SLC7A2: variants seen among roughly 807,000 people sequenced by gnomAD.
The protein encoded by SLC7A2 is solute carrier family 7 member 2.
In SLC7A2, 48 loss-of-function variants were observed where a neutral mutation model predicts 58.9. That is an observed-to-expected ratio of 0.82 (90% CI 0.65 to 1.04). The LOEUF (loss-of-function observed/expected upper bound fraction) is 1.04. Among genes scored for constraint, SLC7A2 ranks in the 50% least tolerant of loss-of-function variants. The pLI is 0.00. For synonymous variants in SLC7A2, 363 were observed against 314.5 expected (o/e 1.15, Z -1.63); for missense variants, 1,029 against 818.8 (o/e 1.26, Z -3.13).
At chr8:17,516,300 A>G (rs1800801616) in intron 2 of SLC7A2, among the ~76,000 whole-genome samples, 1 of 151,956 alleles carries the variant, frequency 6.6e-6, no homozygotes, top group Admixed American at 6.6e-5. Flanking sequence ...ATCTCGGCTC[A>G]CTGCAACCTC....
At position 17,565,281 on chromosome 8, in the gene SLC7A2, C is replaced by T. The variant is rs558868747; in HGVS notation, c.*135C>T. ...TAGTTCACCCTAATTTATACTTACT[C>T]ATCTGGACAGCATCTCCTCAGATGG... is the stretch of plus-strand genomic sequence containing the variant. On this transcript the variant is annotated 3_prime_UTR_variant, in exon 13 of 13. Coordinates refer to ENST00000494857, the MANE Select transcript of SLC7A2 (RefSeq NM_001370338.1). 5.7e-5 allele frequency: 38 copies of T among 667,278 alleles called. No individual in the cohort carries two copies. The African/African-American group carries it at 6.0e-4, about 10-fold the overall frequency. The allele number at this position is 667,278 out of a possible 1,614,324, so 41.3% of individuals were successfully genotyped here.
chr8:17,553,143 C>G (rs1204985895), intron 7 of SLC7A2, among the ~76,000 whole-genome samples: 2 of 152,110 alleles, frequency 1.3e-5, no homozygotes, highest in South Asian at 2.1e-4. Flanking sequence ...GGCTCGAACT[C>G]CTGGGTTCAA....
chr8:17,518,642 A>G (rs1800895100), intron 2 of SLC7A2, among the ~76,000 whole-genome samples: 1 of 102,798 alleles, frequency 9.7e-6, no homozygotes, highest in Non-Finnish European at 2.1e-5. Context: ...CATTAGCAAA[A>G]GACAAACAAA....
intron 2 of SLC7A2, among the ~76,000 whole-genome samples, chr8:17,512,498 G>T (rs1245756671): frequency 6.6e-6 from 1 of 152,176 alleles, no homozygotes; most frequent in Non-Finnish European, 1.5e-5. Flanking sequence ...ACTGAGGCAA[G>T]ATCGTGCTAC....
chr8:17,517,820 A>G (rs1800861924), intron 2 of SLC7A2, among the ~76,000 whole-genome samples: 1 of 152,172 alleles, frequency 6.6e-6, no homozygotes, highest in Non-Finnish European at 1.5e-5. Flanking sequence ...GCGGAGTGTT[A>G]GGGGGCTGCC....
At chr8:17,515,815 C>G (rs567685863) in intron 2 of SLC7A2, among the ~76,000 whole-genome samples, 1 of 152,312 alleles carries the variant, frequency 6.6e-6, no homozygotes, top group East Asian at 1.9e-4. Flanking sequence ...CTAACTAAAA[C>G]TGTTCCACAA....
chr8:17,562,178 G>GTTTTTTTTTT (rs1803037011), intron 11 of SLC7A2, 68 bp downstream of exon 11: 1 of 477,978 alleles, frequency 2.1e-6, no homozygotes, highest in Non-Finnish European at 2.9e-6. Context: ...AGTTTGGTAA[G>GTTTTTTTTTT]TATTTTTTTT....
intron 2 of SLC7A2, chr8:17,538,695 A>G (rs1227828916): frequency 8.9e-6 from 10 of 1,119,582 alleles, no homozygotes; most frequent in Middle Eastern, 2.6e-4. Flanking sequence ...GGACATTGCA[A>G]AATAAAAAAG....
At chr8:17,515,405 C>A (rs1444504453) in intron 2 of SLC7A2, among the ~76,000 whole-genome samples, 1 of 152,018 alleles carries the variant, frequency 6.6e-6, no homozygotes, top group Non-Finnish European at 1.5e-5. Flanking sequence ...AAGCGATTCT[C>A]CTGCCTCAGC....
At chr8:17,521,964 C>A (rs191048424) in intron 2 of SLC7A2, among the ~76,000 whole-genome samples, 2 of 152,308 alleles carry the variant, frequency 1.3e-5, no homozygotes, top group Admixed American at 1.3e-4. Flanking sequence ...GCTACAGAAT[C>A]TTACTGAGAC....
intron 2 of SLC7A2, among the ~76,000 whole-genome samples, chr8:17,511,772 C>T (rs1030797006): frequency 6.6e-6 from 1 of 152,008 alleles, no homozygotes; most frequent in African/African-American, 2.4e-5. Flanking sequence ...AAACAAAAAC[C>T]TTCCCACTTG....
chr8:17,543,440 T>C lies in SLC7A2; in HGVS notation c.101T>C (p.Leu34Ser). ...GAAGACACCAAATTATGCCGCTGCTTATCCACCATGGACCTCATTGCCCTG... is the reference window on the plus strand; with the variant it reads ...GAAGACACCAAATTATGCCGCTGCTCATCCACCATGGACCTCATTGCCCTG... ...SLEDTKLCRC[L>S]STMDLIALGV... The change falls in exon 3 of 13, where the codon TTA becomes TCA. Residue 34 changes from leucine to serine, a missense_variant. Physicochemically the swap from Leu to Ser is moderately radical, Grantham distance 145. Coordinates refer to ENST00000494857, the MANE Select transcript of SLC7A2 (RefSeq NM_001370338.1). 1 of 1,614,146 alleles carries C rather than the reference T, an allele frequency of 6.2e-7. No individual in the cohort carries two copies. The highest frequency in any genetic ancestry group is 1.1e-5 in the South Asian group (1 of 91,070).
intron 2 of SLC7A2, among the ~76,000 whole-genome samples, chr8:17,542,254 G>T (rs757253085): frequency 2.6e-5 from 4 of 152,138 alleles, no homozygotes; most frequent in East Asian, 1.9e-4. Context: ...AAGTTTTTAC[G>T]TGCTTTTAGA....
At chr8:17,502,195 A>G (rs1219339397) in intron 1 of SLC7A2, 62 bp from the exon 2 acceptor site, 2 of 151,712 alleles carry the variant, frequency 1.3e-5, no homozygotes, top group East Asian at 3.9e-4. Flanking sequence ...AGGTTTGAAA[A>G]AAAAAGAATG....
At chr8:17,529,871 C>T (rs1469413506) in intron 2 of SLC7A2, among the ~76,000 whole-genome samples, 1 of 152,096 alleles carries the variant, frequency 6.6e-6, no homozygotes, top group Non-Finnish European at 1.5e-5. Context: ...GCCAAAAGTC[C>T]CTTGAAAAGG....
At chr8:17,532,215 G>A in intron 2 of SLC7A2, among the ~76,000 whole-genome samples, 1 of 113,886 alleles carries the variant, frequency 8.8e-6, no homozygotes, top group Non-Finnish European at 1.6e-5. Context: ...GGGCAACAGG[G>A]CAAGACTCTA....
chr8:17,524,421 T>TACACAC (rs367710230), intron 2 of SLC7A2, among the ~76,000 whole-genome samples: 1,489 of 135,070 alleles, frequency 0.011, 7 homozygotes, highest in African/African-American at 0.016. Flanking sequence ...TGTGTGTGTG[T>TACACAC]ACACACACAC....
chr8:17,525,685 G>A (rs970055653), intron 2 of SLC7A2, among the ~76,000 whole-genome samples: 2 of 152,186 alleles, frequency 1.3e-5, no homozygotes, highest in African/African-American at 4.8e-5. Flanking sequence ...CTGTGTATGA[G>A]TTTGCACTCA....
intron 7 of SLC7A2, among the ~76,000 whole-genome samples, chr8:17,552,445 C>A (rs890553285): frequency 6.6e-6 from 1 of 152,202 alleles, no homozygotes; most frequent in Non-Finnish European, 1.5e-5. Flanking sequence ...TGGGAGTGGA[C>A]ACTTATGCTC....
Sources: gnomAD v4.1 joint callset for allele counts (sites outside exome capture counted in the v4.1 genomes callset) on GRCh38, gnomAD v4.1.1 for gene constraint, MANE v1.5 for transcripts, NCBI Gene and HGNC (gene_info 2026-07-23, HGNC 2026-07-21) for gene names.